EXT2: variants seen among roughly 807,000 people sequenced by gnomAD.
EXT2 encodes exostosin glycosyltransferase 2.
In EXT2, 53 loss-of-function variants were observed where a neutral mutation model predicts 81.6. The ratio of observed to expected loss-of-function variants is 0.65; its 90% confidence interval spans 0.52 to 0.82. EXT2 has a LOEUF of 0.82. Ranked by LOEUF, EXT2 falls within the 40% of genes least tolerant of loss-of-function variation. The probability of loss-of-function intolerance (pLI) is 0.00; values close to 1 mark genes in which losing one functional copy is unlikely to be tolerated. For missense variants in EXT2, 774 were observed against 910.2 expected, an observed-to-expected ratio of 0.85 and a Z score of 1.93; for synonymous variants, 320 against 340.0, an observed-to-expected ratio of 0.94 and a Z score of 0.65.
chr11:44,109,585 C>G (rs1370152993), intron 3 of EXT2, among the ~76,000 whole-genome samples: 1 of 152,102 alleles, frequency 6.6e-6, no homozygotes, highest in Non-Finnish European at 1.5e-5. Flanking sequence ...TCTCTGAATT[C>G]GGGAGCATTT....
chr11:44,224,894 T>C (rs544091288), intron 10 of EXT2, among the ~76,000 whole-genome samples: 1 of 152,288 alleles, frequency 6.6e-6, no homozygotes, highest in South Asian at 2.1e-4. Context: ...GAAGGCCCAA[T>C]AATAGTTGTT....
chr11:44,172,531 GTC>G (rs891151418), intron 8 of EXT2, among the ~76,000 whole-genome samples: 1 of 150,750 alleles, frequency 6.6e-6, no homozygotes, highest in Non-Finnish European at 1.5e-5. Flanking sequence ...CATTCTAATT[GTC>G]TCTCTCTTTC....
chr11:44,209,258 G>C (rs997187586), intron 10 of EXT2, among the ~76,000 whole-genome samples: 5 of 151,906 alleles, frequency 3.3e-5, no homozygotes, highest in Admixed American at 3.3e-4. Context: ...TGTGTTGTTT[G>C]TTGCCTTTTT....
chr11:44,119,149 TATATATATATATATATATATAC>T (rs1485044655), intron 4 of EXT2, among the ~76,000 whole-genome samples: 563 of 53,018 alleles, frequency 0.011, 43 homozygotes, highest in Middle Eastern at 0.043. Context: ...TATATATATA[TATATATATATATATATATATAC>T]ACATACACAC....
At chr11:44,177,103 ATAATGT>A (rs1955169124) in intron 8 of EXT2, among the ~76,000 whole-genome samples, 1 of 152,190 alleles carries the variant, frequency 6.6e-6, no homozygotes. Context: ...AAACTTGGAA[ATAATGT>A]TAAAGTAATA....
chr11:44,096,417 G>A (rs1953898261), intron 1 of EXT2: 3 of 1,282,276 alleles, frequency 2.3e-6, no homozygotes, highest in African/African-American at 1.5e-5. Context: ...ATGGCCGGGG[G>A]CGTGTTAGGC....
chr11:44,222,676 A>G (rs1279250513), intron 10 of EXT2, among the ~76,000 whole-genome samples: 1 of 152,192 alleles, frequency 6.6e-6, no homozygotes, highest in African/African-American at 2.4e-5. Context: ...TGAAACCATA[A>G]AACTTTTAGG....
At chr11:44,102,308 C>G (rs761168992) in intron 1 of EXT2, among the ~76,000 whole-genome samples, 1 of 152,156 alleles carries the variant, frequency 6.6e-6, no homozygotes, top group Non-Finnish European at 1.5e-5. Flanking sequence ...GACAGATGCT[C>G]TAGTCTCCCA....
chr11:44,099,958 T>A (rs562866811), intron 1 of EXT2, among the ~76,000 whole-genome samples: 1 of 152,298 alleles, frequency 6.6e-6, no homozygotes, highest in Admixed American at 6.5e-5. Context: ...TTAGCTTGTG[T>A]CGACACACTT....
chr11:44,117,333 A>G (rs1198109317), intron 4 of EXT2, among the ~76,000 whole-genome samples: 3 of 151,986 alleles, frequency 2.0e-5, no homozygotes, highest in South Asian at 2.1e-4. Flanking sequence ...CAATTTATCT[A>G]TTTTTCCTTT....
chr11:44,147,832 T>C (rs1954741700), intron 7 of EXT2, among the ~76,000 whole-genome samples: 1 of 149,722 alleles, frequency 6.7e-6, no homozygotes, highest in South Asian at 2.1e-4. Context: ...TAACATTCTA[T>C]ATTTTTGGAC....
At chr11:44,173,678 C>T (rs1195137507) in intron 8 of EXT2, among the ~76,000 whole-genome samples, 2 of 150,568 alleles carry the variant, frequency 1.3e-5, no homozygotes, top group African/African-American at 4.9e-5. Context: ...ACACCATTCT[C>T]CTGCCTCAGC....
chr11:44,117,736 G>A (rs1954242978), intron 4 of EXT2, among the ~76,000 whole-genome samples: 1 of 152,142 alleles, frequency 6.6e-6, no homozygotes, highest in Admixed American at 6.5e-5. Flanking sequence ...TGAAATAAAT[G>A]TAAGTTCTCC....
chr11:44,124,444 T>TAC (rs57261356), intron 4 of EXT2, among the ~76,000 whole-genome samples: 22,818 of 144,866 alleles, frequency 0.16, 1,821 homozygotes, highest in Non-Finnish European at 0.2. Context: ...GTTTCTCTCC[T>TAC]ACACACACAC....
At chr11:44,125,783 G>A (rs1954393783) in intron 5 of EXT2, among the ~76,000 whole-genome samples, 1 of 152,100 alleles carries the variant, frequency 6.6e-6, no homozygotes, top group Non-Finnish European at 1.5e-5. Flanking sequence ...GGTAACAGTG[G>A]TGATGAGGGC....
In EXT2 at chr11:44,245,801, A is replaced by G. The variant is rs571932578; in HGVS notation, c.*1514A>G. On this transcript the variant is annotated 3_prime_UTR_variant, in exon 14 of 14. Coordinates refer to ENST00000533608, the MANE Select transcript of EXT2 (RefSeq NM_207122.2). ...AGTAGCAAAGTTGGAAGTGGAAATC[A>G]TAAGAGTTTTGTCTTCTTTCATTTG... 6.9e-4 allele frequency among the ~76,000 whole-genome samples: 105 copies of G among 152,348 alleles called. No individual in the cohort carries two copies. The highest frequency in any genetic ancestry group is 2.4e-3 in the African/African-American group (98 of 41,588).
rs759881903 is a variant in EXT2, at chr11:44,232,383, G to A, written c.1693G>A (p.Gly565Ser). The A allele has an allele frequency of 6.2e-7, 1 of 1,613,962 alleles. No homozygotes were observed. The part of the protein sequence containing the change: ...VWREFPDRLV[G>S]YPGRLHLWDH... Reference sequence around the variant, plus strand: ...GCGGGAATTTCCTGACCGGTTGGTGGGTTACCCGGGTCGTCTGCATCTCTG... The same window carrying A: ...GCGGGAATTTCCTGACCGGTTGGTGAGTTACCCGGGTCGTCTGCATCTCTG... The change falls in exon 11 of 14, where the codon GGT becomes AGT. Residue 565 changes from glycine (G) to serine (S), a missense_variant. Transcript: ENST00000533608.
intron 1 of EXT2, among the ~76,000 whole-genome samples, chr11:44,102,399 A>G (rs1313852393): frequency 1.3e-5 from 2 of 152,056 alleles, no homozygotes; most frequent in African/African-American, 4.8e-5. Flanking sequence ...TGCCCACTGC[A>G]GTAACCAGCC....
intron 13 of EXT2, among the ~76,000 whole-genome samples, chr11:44,236,795 A>G (rs1466857216): frequency 6.6e-6 from 1 of 152,198 alleles, no homozygotes; most frequent in African/African-American, 2.4e-5. Flanking sequence ...CTTTGCTGAC[A>G]CTATGGAAAT....
Sources: allele counts gnomAD v4.1 joint callset (sites outside exome capture counted in the v4.1 genomes callset), GRCh38; gene constraint gnomAD v4.1.1; transcripts MANE v1.5; gene names NCBI Gene and HGNC (gene_info 2026-07-23, HGNC 2026-07-21).